Variants in SNAP23 observed in about 807,000 individuals in gnomAD.
SNAP23 encodes the protein synaptosome associated protein 23, also known as synaptosomal-associated protein 23.
A neutral mutation model predicts 29.0 loss-of-function variants in SNAP23; 11 were observed. The ratio of observed to expected loss-of-function variants is 0.38; its 90% CI spans 0.24 to 0.63. SNAP23 has a LOEUF of 0.63. Ranked by LOEUF, SNAP23 falls within the 20% of genes least tolerant of loss-of-function variation. The pLI is 0.58. For missense variants in SNAP23, 220 were observed against 253.9 expected (o/e 0.87, Z 0.91); for synonymous variants, 60 against 82.9 (o/e 0.72, Z 1.50).
chr15:42,520,620 G>A (rs1211994113), intron 5 of SNAP23, among the ~76,000 whole-genome samples: 4 of 151,792 alleles, frequency 2.6e-5, no homozygotes, highest in South Asian at 2.1e-4. Context: ...TCAGCCTCTC[G>A]GGTAGCTGGG....
chr15:42,517,900 CAG>C (rs2057410283), intron 5 of SNAP23, among the ~76,000 whole-genome samples: 1 of 152,054 alleles, frequency 6.6e-6, no homozygotes, highest in Admixed American at 6.6e-5. Context: ...TTTGTAGAGA[CAG>C]GGGTCTTGCT....
intron 7 of SNAP23, among the ~76,000 whole-genome samples, chr15:42,531,034 A>G (rs1595533601): frequency 6.6e-6 from 1 of 152,196 alleles, no homozygotes; most frequent in Non-Finnish European, 1.5e-5. Flanking sequence ...ATGAGATTCT[A>G]TGATTCAGTT....
chr15:42,501,038 T>C (rs1299952617), intron 1 of SNAP23, among the ~76,000 whole-genome samples: 2 of 152,198 alleles, frequency 1.3e-5, no homozygotes, highest in Non-Finnish European at 2.9e-5. Context: ...TTCGATGGCC[T>C]TTCAATACTT....
intron 5 of SNAP23, among the ~76,000 whole-genome samples, chr15:42,523,656 T>C (rs931710230): frequency 1.3e-5 from 2 of 152,220 alleles, no homozygotes; most frequent in Non-Finnish European, 2.9e-5. Context: ...TGCTAAACAT[T>C]AAGTATTGTT....
At chr15:42,504,631 G>A (rs2057302845) in intron 1 of SNAP23, among the ~76,000 whole-genome samples, 1 of 152,062 alleles carries the variant, frequency 6.6e-6, no homozygotes, top group Non-Finnish European at 1.5e-5. Context: ...ATTGTACTAA[G>A]TACTTTGTGT....
At chr15:42,528,566 G>A in intron 6 of SNAP23, 146 bp downstream of exon 6, 1 of 835,220 alleles carries the variant, frequency 1.2e-6, no homozygotes, top group East Asian at 2.7e-5. Flanking sequence ...TCTGCCCACT[G>A]ACAAAATGTG....
At chr15:42,521,960 A>G (rs1386281817) in intron 5 of SNAP23, 2 of 269,196 alleles carry the variant, frequency 7.4e-6, no homozygotes, top group Admixed American at 1.0e-4. Flanking sequence ...TTTCTTAAGA[A>G]ATTTAAAATA....
intron 4 of SNAP23, among the ~76,000 whole-genome samples, chr15:42,513,744 G>A (rs2057376220): frequency 6.6e-6 from 1 of 152,022 alleles, no homozygotes; most frequent in Non-Finnish European, 1.5e-5. Context: ...GGGATTACAG[G>A]CACCTGCCAC....
rs946236491 is a variant in SNAP23 at position 42,529,953 on chromosome 15, G to A, written c.570+134G>A. On this transcript the variant is annotated intron_variant, in intron 7 of 7. Transcript: ENST00000249647. ...TCATAGGTCTTAATTCTGATGAGGTGGTGGTTCTAACACATAAAACAAGAG... is the reference window on the plus strand; with the variant it reads ...TCATAGGTCTTAATTCTGATGAGGTAGTGGTTCTAACACATAAAACAAGAG... 4.2e-6 allele frequency: 4 copies of A among 947,480 alleles called. No homozygotes were observed. In the African/African-American group the frequency reaches 5.0e-5, roughly 12 times the overall value. The allele number at this position is 947,480 out of a possible 1,614,324, so 58.7% of individuals were successfully genotyped here.
At position 42,500,283 on chromosome 15, in the gene SNAP23, T is replaced by C. The variant is rs185524738; in HGVS notation, c.-15+4570T>C. On this transcript the variant is annotated intron_variant, in intron 1 of 7. Transcript: ENST00000249647. ...ATTAGCATGTATAATATTATAATGT[T>C]GCTTATCTCCAAGAGTGCTGAACTT... 3.3e-5 allele frequency among the ~76,000 whole-genome samples: 5 copies of C among 152,128 alleles called. No individual in the cohort carries two copies. The East Asian group carries it at 9.7e-4, about 29-fold the overall frequency.
intron 7 of SNAP23, 36 bp downstream of exon 7, chr15:42,529,855 C>T: frequency 1.2e-6 from 2 of 1,604,620 alleles, no homozygotes; most frequent in Non-Finnish European, 1.7e-6. Context: ...AAATGAGACA[C>T]CCAGTTCAGT....
At chr15:42,496,885 G>A (rs1231134503) in intron 1 of SNAP23, among the ~76,000 whole-genome samples, 2 of 152,124 alleles carry the variant, frequency 1.3e-5, no homozygotes, top group African/African-American at 4.8e-5. Flanking sequence ...GCAGGAGAGA[G>A]ACAGTGAAGG....
chr15:42,491,904 AG>A (rs2057168907), upstream of SNAP23, among the ~76,000 whole-genome samples: 1 of 130,438 alleles, frequency 7.7e-6, no homozygotes, highest in Non-Finnish European at 1.8e-5. Context: ...TTATTTATTT[AG>A]TTAGTTAGTT....
chr15:42,509,585 G>A (rs539449519), intron 1 of SNAP23, among the ~76,000 whole-genome samples: 2 of 151,616 alleles, frequency 1.3e-5, no homozygotes, highest in Non-Finnish European at 2.9e-5. Flanking sequence ...GATTACAGGC[G>A]CTCACCACCA....
In SNAP23 at chr15:42,520,618, T is replaced by C. The variant is rs564625053; in HGVS notation, c.266+5264T>C. 3.6e-3 allele frequency among the ~76,000 whole-genome samples: 554 copies of C among 151,964 alleles called. 5 individuals carry two copies. The highest frequency in any genetic ancestry group is 0.013 in the African/African-American group (535 of 41,458). ...CACGCCATTCTCCTGCCTCAGCCTC[T>C]CGGGTAGCTGGGACTACAGGCGCCC... On this transcript the variant is annotated intron_variant, in intron 5 of 7. Transcript: ENST00000249647.
At chr15:42,521,899 A>C in intron 5 of SNAP23, 1 of 386,014 alleles carries the variant, frequency 2.6e-6, no homozygotes, top group East Asian at 3.8e-5. Context: ...CTGATAACTA[A>C]GTTTTTGCTA....
intron 5 of SNAP23, among the ~76,000 whole-genome samples, chr15:42,520,154 G>A (rs547266851): frequency 6.8e-6 from 1 of 147,586 alleles, no homozygotes; most frequent in Non-Finnish European, 1.5e-5. Context: ...AGGTTCAAGT[G>A]ATTCTGCTGC....
At chr15:42,508,577 C>T (rs905876184) in intron 1 of SNAP23, among the ~76,000 whole-genome samples, 6 of 152,284 alleles carry the variant, frequency 3.9e-5, no homozygotes, top group South Asian at 4.1e-4. Flanking sequence ...TTCGAGTTCA[C>T]ATGGAAAGGA....
intron 5 of SNAP23, among the ~76,000 whole-genome samples, chr15:42,525,142 C>T (rs1225518823): frequency 6.9e-6 from 1 of 145,750 alleles, no homozygotes; most frequent in East Asian, 1.9e-4. Context: ...CCGAGGCAGG[C>T]GGATCACGAG....
Sources: allele counts gnomAD v4.1 joint callset (sites outside exome capture counted in the v4.1 genomes callset), GRCh38; gene constraint gnomAD v4.1.1; transcripts MANE v1.5; gene names NCBI Gene and HGNC (gene_info 2026-07-23, HGNC 2026-07-21).